Variants in BABAM2 observed in about 807,000 individuals in gnomAD.
BABAM2 encodes BRISC and BRCA1 A complex member 2, also known as BRISC and BRCA1-A complex member 2.
A neutral mutation model predicts 54.7 loss-of-function variants in BABAM2; 31 were observed. The ratio of observed to expected loss-of-function variants is 0.57; its 90% CI spans 0.43 to 0.77. BABAM2 has a LOEUF of 0.77. Among genes scored for constraint, BABAM2 ranks in the 30% least tolerant of loss-of-function variants. BABAM2 has a pLI of 0.00. For missense variants in BABAM2, 364 were observed against 455.8 expected, an observed-to-expected ratio of 0.80 and a Z score of 1.83; for synonymous variants, 167 against 162.9, an observed-to-expected ratio of 1.03 and a Z score of -0.19.
chr2:28,192,668 C>T (rs531421102), intron 7 of BABAM2, among the ~76,000 whole-genome samples: 119 of 151,526 alleles, frequency 7.9e-4, no homozygotes, highest in African/African-American at 2.4e-3. Flanking sequence ...ACTACAGGCA[C>T]GTGCCACCAC....
At chr2:28,140,180 A>G (rs1376688779) in intron 7 of BABAM2, among the ~76,000 whole-genome samples, 1 of 152,028 alleles carries the variant, frequency 6.6e-6, no homozygotes, top group African/African-American at 2.4e-5. Context: ...TCTGAACTCT[A>G]AGTCTCTAAT....
intron 7 of BABAM2, among the ~76,000 whole-genome samples, chr2:28,215,951 C>A (rs554438232): frequency 6.6e-6 from 1 of 152,300 alleles, no homozygotes; most frequent in African/African-American, 2.4e-5. Context: ...CCAAAAGGAC[C>A]ATGATCTTGA....
At chr2:28,006,893 T>G (rs1265928874) in intron 4 of BABAM2, among the ~76,000 whole-genome samples, 3 of 152,020 alleles carry the variant, frequency 2.0e-5, no homozygotes, top group African/African-American at 7.2e-5. Context: ...TATTGAGAAT[T>G]GTGGGGAAAT....
intron 7 of BABAM2, among the ~76,000 whole-genome samples, chr2:28,195,466 T>C (rs192380026): frequency 6.6e-6 from 1 of 152,332 alleles, no homozygotes; most frequent in East Asian, 1.9e-4. Flanking sequence ...AAAAAATCTC[T>C]ATGACATGAG....
At chr2:28,292,814 T>C (rs1438973941) in intron 10 of BABAM2, among the ~76,000 whole-genome samples, 1 of 152,212 alleles carries the variant, frequency 6.6e-6, no homozygotes, top group Non-Finnish European at 1.5e-5. Flanking sequence ...CTTGGTTTAT[T>C]GAAGGCTGAG....
At chr2:27,927,838 G>T (rs368971674) in intron 2 of BABAM2, among the ~76,000 whole-genome samples, 11 of 135,738 alleles carry the variant, frequency 8.1e-5, no homozygotes, top group Non-Finnish European at 6.2e-5. Context: ...TAAAGTTTCT[G>T]TTTTTTTTTT....
chr2:28,112,486 C>T (rs13000292), intron 6 of BABAM2, among the ~76,000 whole-genome samples: 38,340 of 151,484 alleles, frequency 0.25, 5,777 homozygotes, highest in East Asian at 0.56. Context: ...TGTTAGTTTG[C>T]TGAGAATGGT....
chr2:28,292,464 A>G (rs1248316819), intron 10 of BABAM2, among the ~76,000 whole-genome samples: 1 of 152,248 alleles, frequency 6.6e-6, no homozygotes, highest in East Asian at 1.9e-4. Flanking sequence ...GCTTCAGAAA[A>G]TAACGTTTCC....
intron 2 of BABAM2, among the ~76,000 whole-genome samples, chr2:27,904,550 G>A (rs1666061330): frequency 6.6e-6 from 1 of 152,186 alleles, no homozygotes. Flanking sequence ...TCATGTTAGA[G>A]ATGCATTCTT....
chr2:28,179,522 T>C (rs941523969), intron 7 of BABAM2, among the ~76,000 whole-genome samples: 5 of 152,140 alleles, frequency 3.3e-5, no homozygotes, highest in African/African-American at 1.2e-4. Context: ...GCTAATATCA[T>C]ACCAAATGGG....
intron 7 of BABAM2, among the ~76,000 whole-genome samples, chr2:28,228,059 G>C (rs1386788955): frequency 6.6e-6 from 1 of 152,192 alleles, no homozygotes; most frequent in Admixed American, 6.5e-5. Context: ...CAATGAGTAT[G>C]TTGACACTTG....
At chr2:28,312,048 A>T (rs547652626) in intron 11 of BABAM2, among the ~76,000 whole-genome samples, 1 of 152,342 alleles carries the variant, frequency 6.6e-6, no homozygotes, top group Non-Finnish European at 1.5e-5. Context: ...AGTTTATGAC[A>T]GGTGCCGCCA....
Position 28,325,764 on chromosome 2 carries a change from T to C in BABAM2, c.1089-12686T>C, listed in dbSNP as rs1337777211. On this transcript the variant is annotated intron_variant, in intron 11 of 11. Coordinates refer to ENST00000379624, the MANE Select transcript of BABAM2 (RefSeq NM_199191.3). This position sits in a 1 kb window ranked among gnomAD's most constrained non-coding sequence, Gnocchi z 4.3. The stretch of plus-strand genomic sequence containing the variant: ...GGGGTGAATGTCCCAGAGTGTTGGG[T>C]GACCAAAAGCTGTGTCCAAAAGCCA... Among the ~76,000 whole-genome samples, 3 of 152,106 alleles carry C rather than the reference T, an allele frequency of 2.0e-5. No individual in the cohort carries two copies. Among genetic ancestry groups the C allele is most frequent in the Non-Finnish European group, 4.4e-5 (3 of 68,028 alleles).
intron 11 of BABAM2, chr2:28,308,195 C>T (rs1296416779): frequency 1.8e-5 from 6 of 324,574 alleles, no homozygotes; most frequent in Non-Finnish European, 3.6e-5. Context: ...CTTGCCCCTC[C>T]CAAAGCTGAA....
chr2:28,074,467 A>T (rs144246507), intron 6 of BABAM2, among the ~76,000 whole-genome samples: 1,574 of 152,332 alleles, frequency 0.01, 15 homozygotes, highest in Middle Eastern at 0.031. Flanking sequence ...TTCATTCAAC[A>T]GATACAGAGT....
chr2:28,272,874 C>T (rs1056603943), intron 10 of BABAM2, among the ~76,000 whole-genome samples: 7 of 152,096 alleles, frequency 4.6e-5, no homozygotes, highest in African/African-American at 1.7e-4. Context: ...GAACTGGGGA[C>T]TGACGTGGCT....
chr2:28,139,132 A>T (rs1449915428), intron 7 of BABAM2, among the ~76,000 whole-genome samples: 2 of 152,030 alleles, frequency 1.3e-5, no homozygotes, highest in Non-Finnish European at 2.9e-5. Context: ...AACTATGTTT[A>T]AACATTTTTT....
intron 7 of BABAM2, among the ~76,000 whole-genome samples, chr2:28,232,771 T>TGC (rs1009877742): frequency 2.2e-4 from 34 of 152,288 alleles, no homozygotes; most frequent in African/African-American, 7.7e-4. Context: ...ACTGAAATGT[T>TGC]GCATGTGGCT....
At chr2:28,246,368 G>C (rs1573922711) in intron 10 of BABAM2, among the ~76,000 whole-genome samples, 1 of 152,102 alleles carries the variant, frequency 6.6e-6, no homozygotes, top group African/African-American at 2.4e-5. Flanking sequence ...TTTACCTTAC[G>C]ACCTTGGTCC....
Sources: gnomAD v4.1 joint callset for allele counts (sites outside exome capture counted in the v4.1 genomes callset) on GRCh38, gnomAD v4.1.1 for gene constraint, Gnocchi (gnomAD v3.1) non-coding constraint, MANE v1.5 for transcripts, NCBI Gene and HGNC (gene_info 2026-07-23, HGNC 2026-07-21) for gene names.